Variants in ATP5F1A observed in about 807,000 individuals in gnomAD.
ATP5F1A encodes the protein ATP synthase F(1) complex subunit alpha, mitochondrial.
In ATP5F1A, 24 loss-of-function variants were observed where a neutral mutation model predicts 57.4. That is an observed-to-expected ratio of 0.42 (90% confidence interval 0.30 to 0.59). ATP5F1A has a LOEUF of 0.59. Ranked by LOEUF, ATP5F1A falls within the 20% of genes least tolerant of loss-of-function variation. The pLI, the probability that ATP5F1A is intolerant of heterozygous loss-of-function variation, is 0.19. For missense variants in ATP5F1A, 494 were observed against 707.9 expected (o/e 0.70, Z 3.43); for synonymous variants, 251 against 255.5 (o/e 0.98, Z 0.17).
In ATP5F1A at chr18:46,082,941, T is replaced by C. The variant is rs547390793; in HGVS notation, c.*1341A>G. 6.6e-5 allele frequency: 10 copies of C among 152,150 alleles called. No homozygotes were observed. The highest frequency in any genetic ancestry group is 1.9e-4 in the East Asian group (1 of 5,152). The allele number at this position is 152,150 out of a possible 1,614,324, so 9.4% of individuals were successfully genotyped here. Reference sequence around the variant, plus strand: ...GGCATGGGCCTGTGGTCCCAGCTAATTGGGAGGCTAAGGCAGGAGAATCGC... The same window carrying C: ...GGCATGGGCCTGTGGTCCCAGCTAACTGGGAGGCTAAGGCAGGAGAATCGC... On this transcript the variant is annotated 3_prime_UTR_variant, in exon 12 of 12. Transcript: ENST00000398752.
Position 46,083,628 on chromosome 18 carries a change from C to G in ATP5F1A, c.*654G>C, listed in dbSNP as rs1378531283. 6.6e-6 allele frequency: 1 copy of G among 152,202 alleles called. No homozygotes were observed. The allele number at this position is 152,202 out of a possible 1,614,324, so 9.4% of individuals were successfully genotyped here. The stretch of plus-strand genomic sequence containing the variant: ...AGCCAGCTATGCTCTTCAGTATTGT[C>G]AGCCTGCCACATATATCCAGTTTAG... On this transcript the variant is annotated 3_prime_UTR_variant, in exon 12 of 12. Transcript: ENST00000398752.
At chr18:46,094,595 A>T (rs374018733) in intron 2 of ATP5F1A, 1 of 152,270 alleles carries the variant, frequency 6.6e-6, no homozygotes, top group Non-Finnish European at 1.5e-5. Context: ...TGAACTCAGG[A>T]GACAGAGGTT....
At chr18:46,103,852 T>C (rs930269873) in intron 1 of ATP5F1A, among the ~76,000 whole-genome samples, 1 of 149,640 alleles carries the variant, frequency 6.7e-6, no homozygotes, top group African/African-American at 2.5e-5. Context: ...AGGCAGAGGT[T>C]GCAGTGAGCC....
At chr18:46,090,463 AG>A (rs1910477818) in intron 3 of ATP5F1A, among the ~76,000 whole-genome samples, 1 of 152,230 alleles carries the variant, frequency 6.6e-6, no homozygotes, top group Admixed American at 6.5e-5. Flanking sequence ...TCGAGTTAGT[AG>A]AAAGTGAAAT....
In ATP5F1A at chr18:46,083,322, C is replaced by G. The variant is rs1909866964; in HGVS notation, c.*960G>C. The G allele has an allele frequency of 6.6e-6, 1 of 152,046 alleles. No individual in the cohort carries two copies. Among genetic ancestry groups the G allele is most frequent in the Non-Finnish European group, 1.5e-5 (1 of 68,140 alleles). The allele number at this position is 152,046 out of a possible 1,614,324, so 9.4% of individuals were successfully genotyped here. A position where few individuals can be genotyped will look rare whatever the true frequency, so the allele number is the denominator to read the frequency against. On this transcript the variant is annotated 3_prime_UTR_variant, in exon 12 of 12. Coordinates refer to ENST00000398752, the MANE Select transcript of ATP5F1A (RefSeq NM_004046.6). ...GGGCGTGGTGGTATGTGCCTGTAAC[C>G]CCAGCTACTCAGGAGGCTGAGGTGG...
chr18:46,086,215 C>T lies in ATP5F1A; in HGVS notation c.1327G>A (p.Val443Ile), dbSNP rs1910084480. 3 of 1,613,244 alleles carry T rather than the reference C, an allele frequency of 1.9e-6. No individual in the cohort carries two copies. The highest frequency in any genetic ancestry group is 1.9e-4 in the Middle Eastern group (1 of 5,328). The change falls in exon 10 of 12, where the codon GTT becomes ATT. Residue 443 changes from valine (V) to isoleucine (I), a missense_variant. Transcript: ENST00000398752. Reference sequence around the variant, plus strand: ...GAACCGAACTGGGCAAAAGCAGCAACCTCACGATACTGAGCCAATTCCAGC... The same window carrying T: ...GAACCGAACTGGGCAAAAGCAGCAATCTCACGATACTGAGCCAATTCCAGC... The part of the protein sequence containing the change: ...MKLELAQYRE[V>I]AAFAQFGSDL...
Position 46,087,348 on chromosome 18 carries a change from G to C in ATP5F1A, c.944C>G (p.Ser315Cys). 2.5e-6 allele frequency: 4 copies of C among 1,614,056 alleles called. No homozygotes were observed. Among genetic ancestry groups the C allele is most frequent in the Non-Finnish European group, 2.5e-6 (3 of 1,180,008 alleles). The part of the protein sequence containing the change: ...KHALIIYDDL[S>C]KQAVAYRQMS... Reference sequence around the variant, plus strand: ...AAATTTATTTCCTTTGACCTGTTTGGATAAGTCGTCATAGATGATCAAAGC... The same window carrying C: ...AAATTTATTTCCTTTGACCTGTTTGCATAAGTCGTCATAGATGATCAAAGC... The change falls in exon 7 of 12, where the codon TCC becomes TGC. Residue 315 changes from serine (S) to cysteine (C), a missense_variant. Coordinates refer to ENST00000398752, the MANE Select transcript of ATP5F1A (RefSeq NM_004046.6).
chr18:46,088,581 G>A (rs1473531839), intron 5 of ATP5F1A: 1 of 179,310 alleles, frequency 5.6e-6, no homozygotes, highest in African/African-American at 2.4e-5. Context: ...CCAGTCTCGA[G>A]TACCCAGGGA....
chr18:46,094,004 G>A (rs550032598), intron 2 of ATP5F1A, among the ~76,000 whole-genome samples: 4 of 151,742 alleles, frequency 2.6e-5, no homozygotes, highest in African/African-American at 9.7e-5. Context: ...CTACTCGGGA[G>A]GCTGAGGCAG....
upstream of ATP5F1A, among the ~76,000 whole-genome samples, chr18:46,100,849 G>T (rs982954842): frequency 2.0e-5 from 3 of 152,078 alleles, no homozygotes; most frequent in Non-Finnish European, 4.4e-5. Flanking sequence ...GAGGCGGGTG[G>T]ATCACCTGAG....
chr18:46,087,751 G>A (rs947521394), intron 6 of ATP5F1A: 12 of 458,626 alleles, frequency 2.6e-5, no homozygotes, highest in Non-Finnish European at 3.5e-5. Context: ...GTGGTGGCAT[G>A]CACCTGTAAT....
intron 7 of ATP5F1A, 50 bp from the exon 8 acceptor site, chr18:46,087,282 A>C (rs544659932): frequency 6.2e-7 from 1 of 1,611,580 alleles, no homozygotes; most frequent in Admixed American, 1.7e-5. Context: ...TAGAAGTTGC[A>C]TATGTGAACT....
At chr18:46,103,460 G>A (rs1292806628) in intron 1 of ATP5F1A, among the ~76,000 whole-genome samples, 1 of 151,578 alleles carries the variant, frequency 6.6e-6, no homozygotes, top group Non-Finnish European at 1.5e-5. Context: ...AATTAGCTGG[G>A]CGTGGTGATG....
upstream of ATP5F1A, among the ~76,000 whole-genome samples, chr18:46,101,975 C>G (rs1201539094): frequency 3.3e-5 from 5 of 151,768 alleles, no homozygotes; most frequent in East Asian, 9.8e-4. Context: ...GAGATCGAGA[C>G]CATCCTGGCT....
At chr18:46,087,778 G>A in intron 6 of ATP5F1A, 1 of 437,786 alleles carries the variant, frequency 2.3e-6, no homozygotes, top group Non-Finnish European at 4.1e-6. Context: ...TACTCGGGAG[G>A]CTGAGACAGG....
intron 2 of ATP5F1A, among the ~76,000 whole-genome samples, chr18:46,094,464 C>T (rs184451278): frequency 2.0e-4 from 30 of 152,182 alleles, no homozygotes; most frequent in African/African-American, 6.5e-4. Flanking sequence ...GTCAGGAGAT[C>T]GAGACCATCC....
intron 1 of ATP5F1A, 30 bp downstream of exon 1, chr18:46,098,142 G>T: frequency 6.3e-7 from 1 of 1,589,820 alleles, no homozygotes. Context: ...CCACCCGGCC[G>T]CCTGCATCAT....
Position 46,098,282 on chromosome 18 carries a change from G to A in ATP5F1A, c.-51C>T. ...CTTCTGCAGCCGCAGCCTCCGGACT[G>A]ACTGGGACAAAATGGCCGAGCCGCA... On this transcript the variant is annotated 5_prime_UTR_variant, in exon 1 of 12. Transcript: ENST00000398752. 4.5e-6 allele frequency: 7 copies of A among 1,562,238 alleles called. No homozygotes were observed. Among genetic ancestry groups the A allele is most frequent in the South Asian group, 1.1e-5 (1 of 87,640 alleles).
In ATP5F1A at chr18:46,084,580, T is replaced by G; in HGVS notation, c.1504A>C (p.Ser502Arg). 1 of 1,613,030 alleles carries G rather than the reference T, an allele frequency of 6.2e-7. No individual in the cohort carries two copies. The change falls in exon 11 of 12, where the codon AGC becomes CGC. Residue 502 changes from serine (S) to arginine (R), a missense_variant. Ser to Arg is a moderately radical substitution (Grantham distance 110). Transcript: ENST00000398752. ...GCATTCTCAAACTTTGTAATCTTGC[T>G]GGGCTCCAGTTTATCAAGATATCCC... ...VRGYLDKLEP[S>R]KITKFENAFL... is the part of the protein sequence containing the mutation.
Sources: allele counts gnomAD v4.1 joint callset (sites outside exome capture counted in the v4.1 genomes callset), GRCh38; gene constraint gnomAD v4.1.1; transcripts MANE v1.5; gene names NCBI Gene and HGNC (gene_info 2026-07-23, HGNC 2026-07-21).